Variants in SMG1 observed in about 807,000 individuals in gnomAD.
SMG1 encodes SMG1 nonsense mediated mRNA decay associated PI3K related kinase, also known as serine/threonine-protein kinase SMG1.
SMG1 carries 22 observed loss-of-function variants against 419.9 expected under a neutral mutation model. That is an observed-to-expected ratio of 0.05 (90% CI 0.04 to 0.07). SMG1 has a LOEUF of 0.07. SMG1 is among the 10% of genes least tolerant of loss of function. The pLI is 1.00. For synonymous variants in SMG1, 1,538 were observed against 1,553.5 expected (o/e 0.99, Z 0.23); for missense variants, 3,185 against 4,342.0 (o/e 0.73, Z 7.49).
At chr16:18,878,615 AAAAAAG>A (rs960919618) in intron 11 of SMG1, 1 of 152,274 alleles carries the variant, frequency 6.6e-6, no homozygotes, top group Non-Finnish European at 1.5e-5. Context: ...ACAAAAAAAA[AAAAAAG>A]AAAAGAAAAG....
At chr16:18,900,016 G>T (rs1336619670) in intron 1 of SMG1, 1 of 1,530,738 alleles carries the variant, frequency 6.5e-7, no homozygotes, top group Non-Finnish European at 8.7e-7. Flanking sequence ...ATAATATGGA[G>T]CCTTTGTGAT....
At chr16:18,884,199 A>AG (rs746574697) in intron 8 of SMG1, 32 bp from the exon 9 acceptor site, 7 of 1,172,614 alleles carry the variant, frequency 6.0e-6, no homozygotes, top group South Asian at 2.7e-5. Flanking sequence ...GTGAAAGGGT[A>AG]GGGGGGAAAA....
At chr16:18,832,821 A>G (rs990709427) in intron 51 of SMG1, 119 bp downstream of exon 51, 6 of 823,790 alleles carry the variant, frequency 7.3e-6, no homozygotes, top group Admixed American at 2.3e-5. Context: ...ATGAGCATTT[A>G]TAAGTAATTA....
At chr16:18,851,948 T>C in intron 33 of SMG1, 119 bp downstream of exon 33, 1 of 1,095,920 alleles carries the variant, frequency 9.1e-7, no homozygotes, top group Non-Finnish European at 1.3e-6. Context: ...GCAGAAGTTT[T>C]TATTTACAAC....
At chr16:18,925,691 A>AC (rs1165221875) in intron 1 of SMG1, 2 of 133,760 alleles carry the variant, frequency 1.5e-5, no homozygotes, top group Non-Finnish European at 3.0e-5. Context: ...CCTGGTCCCG[A>AC]CCCCAGGCCA....
intron 31 of SMG1, among the ~76,000 whole-genome samples, chr16:18,853,326 T>C (rs2034703173): frequency 6.6e-6 from 1 of 152,182 alleles, no homozygotes; most frequent in African/African-American, 2.4e-5. Flanking sequence ...AATTTTTTGA[T>C]ATGAGGGGCA....
chr16:18,812,796 A>C (rs2031592072), intron 60 of SMG1, among the ~76,000 whole-genome samples: 1 of 151,956 alleles, frequency 6.6e-6, no homozygotes, highest in African/African-American at 2.4e-5. Flanking sequence ...CATTAGGTAT[A>C]TCTCCTAATG....
At chr16:18,839,250 G>C (rs2033768422) in intron 42 of SMG1, among the ~76,000 whole-genome samples, 1 of 151,414 alleles carries the variant, frequency 6.6e-6, no homozygotes, top group Non-Finnish European at 1.5e-5. Context: ...TGAGTAAATT[G>C]TATGTCACTG....
At position 18,809,513 on chromosome 16, in the gene SMG1, T is replaced by G. The variant is rs374647342; in HGVS notation, c.*56A>C. ...GTGGCTTTGGATGCCTGAGGCTGAGTTGATTCTGGTGGATGTCTGACCTCG... is the reference window on the plus strand; with the variant it reads ...GTGGCTTTGGATGCCTGAGGCTGAGGTGATTCTGGTGGATGTCTGACCTCG... On this transcript the variant is annotated 3_prime_UTR_variant, in exon 63 of 63. Coordinates refer to ENST00000446231, the MANE Select transcript of SMG1 (RefSeq NM_015092.5). 8.7e-5 allele frequency: 119 copies of G among 1,368,738 alleles called. No individual in the cohort carries two copies. Among genetic ancestry groups the G allele is most frequent in the Non-Finnish European group, 1.1e-4 (110 of 970,554 alleles). The allele number at this position is 1,368,738 out of a possible 1,614,324, so 84.8% of individuals were successfully genotyped here.
intron 56 of SMG1, 67 bp from the exon 57 acceptor site, chr16:18,817,537 A>T: frequency 1.6e-6 from 2 of 1,283,212 alleles, no homozygotes; most frequent in Non-Finnish European, 2.1e-6. Context: ...GTGGCAATTA[A>T]TAACATGAAA....
chr16:18,889,710 T>A (rs969336723), intron 5 of SMG1, 125 bp from the exon 6 acceptor site: 107 of 621,550 alleles, frequency 1.7e-4, no homozygotes, highest in African/African-American at 1.6e-3. Context: ...TCAAACTACA[T>A]AAAAGGTTGA....
intron 60 of SMG1, among the ~76,000 whole-genome samples, chr16:18,814,877 CTTT>C (rs10582593): frequency 0.39 from 48,150 of 123,434 alleles, 9,088 homozygotes; most frequent in Non-Finnish European, 0.45. Flanking sequence ...CTCGCCCGGC[CTTT>C]TTTTTTTTTT....
intron 55 of SMG1, among the ~76,000 whole-genome samples, chr16:18,819,933 T>C (rs1461935377): frequency 6.6e-6 from 1 of 152,132 alleles, no homozygotes; most frequent in Non-Finnish European, 1.5e-5. Context: ...AATAAAATGA[T>C]CTTTAAAAAA....
At chr16:18,828,853 C>T (rs1050643610) in intron 54 of SMG1, among the ~76,000 whole-genome samples, 2 of 152,110 alleles carry the variant, frequency 1.3e-5, no homozygotes, top group African/African-American at 2.4e-5. Flanking sequence ...ACAAAATTAG[C>T]CAGGCGTGGT....
intron 55 of SMG1, among the ~76,000 whole-genome samples, 159 bp downstream of exon 55, chr16:18,827,872 A>ATATG (rs2032859195): frequency 6.9e-6 from 1 of 144,668 alleles, no homozygotes; most frequent in Non-Finnish European, 1.5e-5. Flanking sequence ...ATATATATAT[A>ATATG]TGTATAAATT....
In SMG1 at chr16:18,807,265, T is replaced by A. The variant is rs1304816298; in HGVS notation, c.*2304A>T. ...TAATGTGAACTGACTATCATTGCGATAAAAGTTTTTCCTTATGATGACAAT... is the reference window on the plus strand; with the variant it reads ...TAATGTGAACTGACTATCATTGCGAAAAAAGTTTTTCCTTATGATGACAAT... On this transcript the variant is annotated 3_prime_UTR_variant, in exon 63 of 63. Coordinates refer to ENST00000446231, the MANE Select transcript of SMG1 (RefSeq NM_015092.5). 4 of 152,234 alleles carry A rather than the reference T, an allele frequency of 2.6e-5. No individual in the cohort carries two copies. The highest frequency in any genetic ancestry group is 5.9e-5 in the Non-Finnish European group (4 of 68,032). The allele number at this position is 152,234 out of a possible 1,614,324, so 9.4% of individuals were successfully genotyped here.
rs372437048 is a variant in SMG1, at chr16:18,925,976, C to A, written c.66G>T (p.Pro22=). ...SGGGGGGTKY[P]RSWNDWQPRT... ...TGGGTTGCCAGTCATTCCAGCTCCG[C>A]GGATACTTGGTGCCGCCGCCGCCGC... The change falls in exon 1 of 63, where the codon CCG becomes CCT. Residue 22 remains proline (P), a synonymous_variant. Transcript: ENST00000446231. 195 of 1,576,190 alleles carry A rather than the reference C, an allele frequency of 1.2e-4. No homozygotes were observed. Among genetic ancestry groups the A allele is most frequent in the Non-Finnish European group, 1.5e-4 (179 of 1,167,394 alleles).
chr16:18,813,138 A>G (rs1056614513), intron 60 of SMG1, among the ~76,000 whole-genome samples: 3 of 152,138 alleles, frequency 2.0e-5, no homozygotes, highest in Non-Finnish European at 4.4e-5. Context: ...ATACGTGTGC[A>G]TGTGTCTTTA....
chr16:18,829,376 C>T lies in SMG1; in HGVS notation c.9513G>A (p.Lys3171=). 6.2e-7 allele frequency: 1 copy of T among 1,614,056 alleles called. No individual in the cohort carries two copies. Among genetic ancestry groups the T allele is most frequent in the Non-Finnish European group, 8.5e-7 (1 of 1,179,910 alleles). The change falls in exon 54 of 63, where the codon AAG becomes AAA. Residue 3171 remains lysine, a synonymous_variant. Transcript: ENST00000446231. Reference sequence around the variant, plus strand: ...CTAGCCTTCGCACCAAGTCATGCTTCTTCCAGGCAGTGTCGTAAGAACTTG... The same window carrying T: ...CTAGCCTTCGCACCAAGTCATGCTTTTTCCAGGCAGTGTCGTAAGAACTTG... The part of the protein sequence containing the change: ...VLASSYDTAW[K]KHDLVRRLET...
Sources: gnomAD v4.1 joint callset for allele counts (sites outside exome capture counted in the v4.1 genomes callset) on GRCh38, gnomAD v4.1.1 for gene constraint, MANE v1.5 for transcripts, NCBI Gene and HGNC (gene_info 2026-07-23, HGNC 2026-07-21) for gene names.